Variants in TBC1D24 observed in about 807,000 individuals in gnomAD.
TBC1D24 encodes Infantile myoclonic epilepsy.
In TBC1D24, 47 loss-of-function variants were observed where a neutral mutation model predicts 50.7. The ratio of observed to expected loss-of-function variants is 0.93; its 90% CI spans 0.73 to 1.18. The LOEUF (loss-of-function observed/expected upper bound fraction) is 1.18, where lower values mean the gene tolerates loss of function less well. Ranked by LOEUF, TBC1D24 falls within the 50% of genes most tolerant of loss-of-function variation. The probability of loss-of-function intolerance (pLI) is 0.00; values close to 1 mark genes in which losing one functional copy is unlikely to be tolerated. For missense variants in TBC1D24, 688 were observed against 766.5 expected (o/e 0.90, Z 1.21); for synonymous variants, 324 against 335.2 (o/e 0.97, Z 0.36).
In TBC1D24 at chr16:2,501,316, G is replaced by C. The variant is rs2065792287; in HGVS notation, c.*358G>C. 5 of 320,842 alleles carry C rather than the reference G, an allele frequency of 1.6e-5. No individual in the cohort carries two copies. Among genetic ancestry groups the C allele is most frequent in the Admixed American group, 4.4e-5 (1 of 22,938 alleles). The allele number at this position is 320,842 out of a possible 1,614,324, so 19.9% of individuals were successfully genotyped here. On this transcript the variant is annotated 3_prime_UTR_variant, in exon 8 of 8. Coordinates refer to ENST00000646147, the MANE Select transcript of TBC1D24 (RefSeq NM_001199107.2). ...GCCTCTCTAGGCAGCCTGAGCCCCT[G>C]GGGTGGGAGTACAACGGCAGTGGGA...
Position 2,499,849 on chromosome 16 carries a change from C to G in TBC1D24, c.1221C>G (p.Tyr407Ter). The G allele has an allele frequency of 6.2e-7, 1 of 1,614,034 alleles. No homozygotes were observed. The highest frequency in any genetic ancestry group is 1.1e-5 in the South Asian group (1 of 91,082). ...KTTQKEVCGAYLSTDWSERNK... is the reference protein window; with the variant it reads ...KTTQKEVCGA ...CTTTCCCCCAGGTGTGTGGTGCTTACCTGTCCACAGACTGGAGTGAGAGAA... is the reference window on the plus strand; with the variant it reads ...CTTTCCCCCAGGTGTGTGGTGCTTAGCTGTCCACAGACTGGAGTGAGAGAA... Residue 407 changes from tyrosine to a stop codon, truncating the protein, a stop_gained, in exon 6 of 8, where the codon TAC becomes TAG. Coordinates refer to ENST00000646147, the MANE Select transcript of TBC1D24 (RefSeq NM_001199107.2). LOFTEE classifies it high-confidence loss of function. The surrounding 1 kb of genome is among the most constrained non-coding windows in gnomAD (Gnocchi z 4.0).
chr16:2,480,633 A>C (rs1421216945), intron 1 of TBC1D24: 1 of 151,498 alleles, frequency 6.6e-6, no homozygotes, highest in African/African-American at 2.4e-5. Context: ...TGGCATGGTA[A>C]ATGGAGCTCA....
chr16:2,489,593 G>A (rs769309886), intron 1 of TBC1D24, among the ~76,000 whole-genome samples: 6 of 152,306 alleles, frequency 3.9e-5, no homozygotes, highest in African/African-American at 9.6e-5. Context: ...GAAAGAAGCC[G>A]CACTGGGTAT....
chr16:2,488,998 A>G (rs910826276), intron 1 of TBC1D24, among the ~76,000 whole-genome samples: 1 of 145,348 alleles, frequency 6.9e-6, no homozygotes, highest in African/African-American at 2.6e-5. Context: ...TGAACCCGGG[A>G]GGCAGAGGTT....
rs988856385 is a variant in TBC1D24 at position 2,501,332 on chromosome 16, G to A, written c.*374G>A. 2 of 296,044 alleles carry A rather than the reference G, an allele frequency of 6.8e-6. No individual in the cohort carries two copies. The highest frequency in any genetic ancestry group is 7.7e-5 in the East Asian group (1 of 13,048). 18.3% of individuals were successfully genotyped at this position (296,044 alleles called of 1,614,324 possible). ...TGAGCCCCTGGGGTGGGAGTACAAC[G>A]GCAGTGGGAACGTGCAGCTAAGGGT... On this transcript the variant is annotated 3_prime_UTR_variant, in exon 8 of 8. Transcript: ENST00000646147.
At position 2,496,197 on chromosome 16, in the gene TBC1D24, G is replaced by A. The variant is rs757359393; in HGVS notation, c.49G>A (p.Ala17Thr). The change falls in exon 2 of 8, where the codon GCT (alanine) becomes ACT (threonine). Residue 17 changes from alanine (A) to threonine (T), a missense_variant. By Grantham distance (58) the Ala-to-Thr change is moderately conservative (BLOSUM62 0). Coordinates refer to ENST00000646147, the MANE Select transcript of TBC1D24 (RefSeq NM_001199107.2). ...NCFVDKDKMDAAIQDLGPKEL... is the reference protein window; with the variant it reads ...NCFVDKDKMDTAIQDLGPKEL... ...CTTCGTGGACAAAGACAAGATGGAC[G>A]CTGCCATCCAGGACCTGGGGCCCAA... 9.9e-6 allele frequency: 16 copies of A among 1,613,824 alleles called. No individual in the cohort carries two copies. Among genetic ancestry groups the A allele is most frequent in the African/African-American group, 1.3e-5 (1 of 74,918 alleles).
intron 1 of TBC1D24, among the ~76,000 whole-genome samples, chr16:2,495,734 G>A (rs538360958): frequency 3.9e-5 from 6 of 152,028 alleles, no homozygotes; most frequent in Admixed American, 2.0e-4. Context: ...AGTGGAGATC[G>A]TGACACTGTA....
In TBC1D24 at chr16:2,497,717, C is replaced by T; in HGVS notation, c.973C>T (p.Leu325Phe). 6.5e-7 allele frequency: 1 copy of T among 1,536,160 alleles called. No homozygotes were observed. ...CTTTCTCCTGTTTTTCAGTGTGTCA[C>T]TTTCTAAAAGGTAGGTCTGAAACTG... ...GITVKQKSVS[L>F]SKRQFVHLAV... Residue 325 changes from leucine (L) to phenylalanine (F), a missense_variant, in exon 3 of 8, where the codon CTT (leucine) becomes TTT (phenylalanine). Transcript: ENST00000646147.
At chr16:2,484,229 A>G (rs1441958226) in intron 1 of TBC1D24, 1 of 151,860 alleles carries the variant, frequency 6.6e-6, no homozygotes, top group Non-Finnish European at 1.5e-5. Flanking sequence ...CTGCCACACC[A>G]CAGATCTTTC....
At chr16:2,476,463 T>G (rs947664174) in intron 1 of TBC1D24, 1 of 152,248 alleles carries the variant, frequency 6.6e-6, no homozygotes, top group Non-Finnish European at 1.5e-5. Context: ...GATTTTACAG[T>G]TACTGTTCCT....
Position 2,502,878 on chromosome 16 carries a change from G to C in TBC1D24, c.*1920G>C, listed in dbSNP as rs377571751. The C allele has an allele frequency of 6.5e-6, 1 of 152,800 alleles. No individual in the cohort carries two copies. The highest frequency in any genetic ancestry group is 2.4e-5 in the African/African-American group (1 of 41,458). 9.5% of individuals were successfully genotyped at this position (152,800 alleles called of 1,614,324 possible). A position where few individuals can be genotyped will look rare whatever the true frequency, so the allele number is the denominator to read the frequency against. ...TGCATCAACTCCAGGGCTCCAAGCT[G>C]AGTCTGATCTCTTCAGCCAGAGGGG... is the stretch of plus-strand genomic sequence containing the variant. On this transcript the variant is annotated 3_prime_UTR_variant, in exon 8 of 8. Transcript: ENST00000646147.
Position 2,499,459 on chromosome 16 carries a change from G to A in TBC1D24, c.1206+39G>A. ...CTGGAGCCAGGGCTGGCTCTGATGG[G>A]CTCCAGGGCTGGCTCTGATGGGCTC... On this transcript the variant is annotated intron_variant, in intron 5 of 7. Coordinates refer to ENST00000646147, the MANE Select transcript of TBC1D24 (RefSeq NM_001199107.2). This position sits in a 1 kb window ranked among gnomAD's most constrained non-coding sequence, Gnocchi z 4.0. 2 of 1,572,864 alleles carry A rather than the reference G, an allele frequency of 1.3e-6. No individual in the cohort carries two copies. The highest frequency in any genetic ancestry group is 2.3e-5 in the South Asian group (2 of 87,298).
rs2065626929 is a variant in TBC1D24 at position 2,483,630 on chromosome 16, C to T, written c.-116+8460C>T. 1 of 152,270 alleles carries T rather than the reference C, an allele frequency of 6.6e-6. No individual in the cohort carries two copies. Among genetic ancestry groups the T allele is most frequent in the African/African-American group, 2.4e-5 (1 of 41,414 alleles). The allele number at this position is 152,270 out of a possible 1,614,324, so 9.4% of individuals were successfully genotyped here. A position where few individuals can be genotyped will look rare whatever the true frequency, so the allele number is the denominator to read the frequency against. On this transcript the variant is annotated intron_variant, in intron 1 of 7. Coordinates refer to ENST00000646147, the MANE Select transcript of TBC1D24 (RefSeq NM_001199107.2). The surrounding 1 kb of genome is among the most constrained non-coding windows in gnomAD (Gnocchi z 4.0). The stretch of plus-strand genomic sequence containing the variant: ...GTAAAGGCTTTTAAAGTTCTAGAGG[C>T]CACGGAGCTTTCCAGCCAGGACGGT...
chr16:2,493,287 C>T (rs910956444), intron 1 of TBC1D24, among the ~76,000 whole-genome samples: 1 of 151,688 alleles, frequency 6.6e-6, no homozygotes, highest in Non-Finnish European at 1.5e-5. Context: ...TACAGGCTCC[C>T]GCAACCACGC....
In TBC1D24 at chr16:2,503,286, C is replaced by T. The variant is rs1359112831; in HGVS notation, c.*2328C>T. The T allele has an allele frequency of 6.6e-6, 1 of 152,146 alleles. No individual in the cohort carries two copies. Among genetic ancestry groups the T allele is most frequent in the Non-Finnish European group, 1.5e-5 (1 of 68,010 alleles). 9.4% of individuals were successfully genotyped at this position (152,146 alleles called of 1,614,324 possible). A position where few individuals can be genotyped will look rare whatever the true frequency, so the allele number is the denominator to read the frequency against. Reference sequence around the variant, plus strand: ...TTAATATCTTTTCCTAACTTTTCTACTAACCTAGAAGGTATGTGTGATTAT... The same window carrying T: ...TTAATATCTTTTCCTAACTTTTCTATTAACCTAGAAGGTATGTGTGATTAT... On this transcript the variant is annotated 3_prime_UTR_variant, in exon 8 of 8. Coordinates refer to ENST00000646147, the MANE Select transcript of TBC1D24 (RefSeq NM_001199107.2).
At position 2,499,314 on chromosome 16, in the gene TBC1D24, AG is replaced by A. The variant is rs768973578; in HGVS notation, c.1143-40del. On this transcript the variant is annotated intron_variant, in intron 4 of 7. Transcript: ENST00000646147. The surrounding 1 kb of genome is among the most constrained non-coding windows in gnomAD (Gnocchi z 4.0). ...GCGGAGGCTGCAGGAGGCGGCTGGG[AG>A]GGTGTGCAGGGTGACAGCTGGCATG... 2.7e-4 allele frequency: 421 copies of A among 1,584,684 alleles called. No homozygotes were observed. The highest frequency in any genetic ancestry group is 3.5e-4 in the Non-Finnish European group (408 of 1,160,358).
In TBC1D24 at chr16:2,496,736, G is replaced by C. The variant is rs1158455930; in HGVS notation, c.588G>C (p.Lys196Asn). 1 of 1,613,830 alleles carries C rather than the reference G, an allele frequency of 6.2e-7. No homozygotes were observed. Residue 196 changes from lysine to asparagine, a missense_variant, in exon 2 of 8, where the codon AAG becomes AAC. Lys to Asn is a moderately conservative substitution (Grantham distance 94). Transcript: ENST00000646147. ...ACAAGTACTGCCAGGCGGCCCACAA[G>C]CTGATGGTGGCCGTGTCGGAGGATG... Reference protein sequence around the residue: ...LVNKYCQAAHKLMVAVSEDVL... With the variant: ...LVNKYCQAAHNLMVAVSEDVL...
In TBC1D24 at chr16:2,501,055, A is replaced by G. The variant is rs1347566313; in HGVS notation, c.*97A>G. 5 of 1,517,082 alleles carry G rather than the reference A, an allele frequency of 3.3e-6. No individual in the cohort carries two copies. In the African/African-American group the frequency reaches 6.8e-5, roughly 21 times the overall value. 94.0% of individuals were successfully genotyped at this position (1,517,082 alleles called of 1,614,324 possible). A position where few individuals can be genotyped will look rare whatever the true frequency, so the allele number is the denominator to read the frequency against. The stretch of plus-strand genomic sequence containing the variant: ...AGAGCAGATGAAACCCCCATGTGGT[A>G]GGCAGGGTTGGGGGACGGCAGGACC... On this transcript the variant is annotated 3_prime_UTR_variant, in exon 8 of 8. Transcript: ENST00000646147.
rs2065558740 is a variant in TBC1D24 at position 2,475,460 on chromosome 16, G to A, written c.-116+290G>A. On this transcript the variant is annotated intron_variant, in intron 1 of 7. Coordinates refer to ENST00000646147, the MANE Select transcript of TBC1D24 (RefSeq NM_001199107.2). This position sits in a 1 kb window ranked among gnomAD's most constrained non-coding sequence, Gnocchi z 4.2. ...TCGCTGGCCCGCGGCCCGGCCCAGG[G>A]CATGGTGTCGTCTGGAAGAGTGACT... Among the ~76,000 whole-genome samples, 1 of 152,002 alleles carries A rather than the reference G, an allele frequency of 6.6e-6. No individual in the cohort carries two copies. The highest frequency in any genetic ancestry group is 2.4e-5 in the African/African-American group (1 of 41,430).
Sources: allele counts gnomAD v4.1 joint callset (sites outside exome capture counted in the v4.1 genomes callset), GRCh38; gene constraint gnomAD v4.1.1; non-coding constraint Gnocchi (gnomAD v3.1); transcripts MANE v1.5; gene names NCBI Gene and HGNC (gene_info 2026-07-23, HGNC 2026-07-21).